The following CREB5 variants were observed in gnomAD, a reference collection of about 807,000 sequenced individuals.
CREB5 encodes the protein cyclic AMP-responsive element-binding protein 5.
In CREB5, 19 loss-of-function variants were observed where a neutral mutation model predicts 57.1. That is an observed-to-expected ratio of 0.33 (90% CI 0.23 to 0.49). The LOEUF is 0.49. CREB5 is among the 20% of genes least tolerant of loss of function. CREB5 has a pLI of 0.99. For synonymous variants in CREB5, 238 were observed against 238.3 expected (o/e 1.00, Z 0.01); for missense variants, 579 against 671.6 (o/e 0.86, Z 1.52).
At chr7:28,538,410 G>A (rs566856127) in intron 4 of CREB5, among the ~76,000 whole-genome samples, 111 of 124,074 alleles carry the variant, frequency 8.9e-4, no homozygotes, top group Non-Finnish European at 1.5e-3. Flanking sequence ...ACCTTTATTC[G>A]CTTAAAGTCT....
intron 2 of CREB5, among the ~76,000 whole-genome samples, chr7:28,492,236 G>A (rs996842452): frequency 1.3e-5 from 2 of 152,160 alleles, no homozygotes; most frequent in Admixed American, 1.3e-4. Context: ...CTGACCTCAG[G>A]TGATCCATCC....
chr7:28,580,429 C>CCACACACACACACACACACACACACA (rs70977058), intron 5 of CREB5, among the ~76,000 whole-genome samples: 25 of 130,966 alleles, frequency 1.9e-4, no homozygotes, highest in South Asian at 2.8e-4. Context: ...TCCCCCCCCA[C>CCACACACACACACACACACACACACA]CACACACACA....
chr7:28,534,648 C>T (rs1793881342), intron 4 of CREB5, among the ~76,000 whole-genome samples: 1 of 151,992 alleles, frequency 6.6e-6, no homozygotes, highest in Admixed American at 6.6e-5. Flanking sequence ...ATCTCGACTT[C>T]CTCTTTCATT....
upstream of CREB5, among the ~76,000 whole-genome samples, chr7:28,411,640 G>A (rs551154009): frequency 6.6e-6 from 1 of 152,262 alleles, no homozygotes; most frequent in Admixed American, 6.5e-5. Flanking sequence ...GATAGAGGGA[G>A]AGAGGGGATT....
intron 3 of CREB5, among the ~76,000 whole-genome samples, chr7:28,501,444 C>A (rs567140126): frequency 6.6e-6 from 1 of 152,196 alleles, no homozygotes; most frequent in Non-Finnish European, 1.5e-5. Flanking sequence ...GCTGGTCAAG[C>A]AAAATGGAAT....
chr7:28,686,259 C>G, intron 5 of CREB5: 1 of 1,344,290 alleles, frequency 7.4e-7, no homozygotes, highest in Non-Finnish European at 1.1e-6. Context: ...CCCCTACTGC[C>G]TTCTGTTTTT....
chr7:28,727,068 C>T (rs1342928642), intron 7 of CREB5, among the ~76,000 whole-genome samples: 2 of 151,406 alleles, frequency 1.3e-5, no homozygotes, highest in Non-Finnish European at 2.9e-5. Flanking sequence ...TCAAGTTCTC[C>T]AGCGCATTAA....
intron 4 of CREB5, among the ~76,000 whole-genome samples, chr7:28,544,902 G>C (rs1188017274): frequency 6.6e-6 from 1 of 152,154 alleles, no homozygotes; most frequent in Non-Finnish European, 1.5e-5. Flanking sequence ...TATAAATCTG[G>C]GAACAGCTCT....
rs78470838 is a variant in CREB5 at position 28,740,701 on chromosome 7, G to T, written c.702+16369G>T. Among the ~76,000 whole-genome samples, 7 of 152,234 alleles carry T rather than the reference G, an allele frequency of 4.6e-5. No homozygotes were observed. The East Asian group carries it at 1.2e-3, about 25-fold the overall frequency. Reference sequence around the variant, plus strand: ...CTCTTTAAAATCTCCTCTGAAATGGGGTAACCAAGGCTTGCGTCTTCGTTC... The same window carrying T: ...CTCTTTAAAATCTCCTCTGAAATGGTGTAACCAAGGCTTGCGTCTTCGTTC... On this transcript the variant is annotated intron_variant, in intron 7 of 10. Coordinates refer to ENST00000357727, the MANE Select transcript of CREB5 (RefSeq NM_182898.4).
Position 28,821,399 on chromosome 7 carries a change from T to C in CREB5, c.*2120T>C, listed in dbSNP as rs1206820302. The stretch of plus-strand genomic sequence containing the variant: ...CCTTGTATGCAGTGCTTTCAAAAGA[T>C]GGTTTTGAGTGTCCAGTGAAACTTA... On this transcript the variant is annotated 3_prime_UTR_variant, in exon 11 of 11. Transcript: ENST00000357727. The C allele has an allele frequency of 6.6e-6, 1 of 151,534 alleles. No homozygotes were observed. The highest frequency in any genetic ancestry group is 1.5e-5 in the Non-Finnish European group (1 of 67,922). 9.4% of individuals were successfully genotyped at this position (151,534 alleles called of 1,614,324 possible). A position where few individuals can be genotyped will look rare whatever the true frequency, so the allele number is the denominator to read the frequency against.
At chr7:28,625,746 G>A (rs1224067393) in intron 5 of CREB5, among the ~76,000 whole-genome samples, 1 of 152,150 alleles carries the variant, frequency 6.6e-6, no homozygotes, top group Non-Finnish European at 1.5e-5. Context: ...TTTATTCCAT[G>A]GCCTCCATCC....
chr7:28,631,395 C>T (rs965336942), intron 5 of CREB5, among the ~76,000 whole-genome samples: 2 of 152,160 alleles, frequency 1.3e-5, no homozygotes, highest in African/African-American at 4.8e-5. Flanking sequence ...GCACTCAATC[C>T]TTTGAGATTC....
At chr7:28,379,392 G>T (rs1399304393) in intron 1 of CREB5, among the ~76,000 whole-genome samples, 1 of 152,182 alleles carries the variant, frequency 6.6e-6, no homozygotes, top group Non-Finnish European at 1.5e-5. Flanking sequence ...GTGTTTTAAG[G>T]TTCTGAGAGC....
chr7:28,784,340 TC>T (rs977194028), intron 7 of CREB5, among the ~76,000 whole-genome samples: 2 of 98,146 alleles, frequency 2.0e-5, no homozygotes, highest in African/African-American at 5.0e-5. Flanking sequence ...AATAAACAAC[TC>T]TTTTTTTTTT....
chr7:28,571,072 A>G (rs1795682201), intron 5 of CREB5, among the ~76,000 whole-genome samples: 1 of 152,092 alleles, frequency 6.6e-6, no homozygotes, highest in Admixed American at 6.5e-5. Flanking sequence ...CCATCTGATA[A>G]CTGAGATAGC....
intron 7 of CREB5, among the ~76,000 whole-genome samples, chr7:28,787,379 G>A (rs1198490848): frequency 6.6e-6 from 1 of 152,340 alleles, no homozygotes; most frequent in East Asian, 1.9e-4. Flanking sequence ...AGCAGAGAAA[G>A]CCTGGACTGG....
chr7:28,603,397 A>G (rs1796996927), intron 5 of CREB5, among the ~76,000 whole-genome samples: 1 of 152,182 alleles, frequency 6.6e-6, no homozygotes, highest in Non-Finnish European at 1.5e-5. Flanking sequence ...ATCACGGCCT[A>G]TTTGTTGAGG....
chr7:28,811,817 A>G (rs936619932), intron 9 of CREB5, among the ~76,000 whole-genome samples: 7 of 152,248 alleles, frequency 4.6e-5, no homozygotes, highest in African/African-American at 1.4e-4. Context: ...TGTTAAGTAA[A>G]TAAAAGTTCT....
At position 28,802,078 on chromosome 7, in the gene CREB5, G is replaced by GAAAAAAAAAAAAAAAAA; in HGVS notation, c.703-2110_703-2094dup. On this transcript the variant is annotated intron_variant, in intron 7 of 10. Coordinates refer to ENST00000357727, the MANE Select transcript of CREB5 (RefSeq NM_182898.4). Reference sequence around the variant, plus strand: ...CTGGCGACACAGCGAGACTCCATCTGAAAAAAAAAAAAAAAAAAAAAAAAA... The same window carrying GAAAAAAAAAAAAAAAAA: ...CTGGCGACACAGCGAGACTCCATCTGAAAAAAAAAAAAAAAAAAAAAAAAAAAAAAAAAAAAAAAAAA... Among the ~76,000 whole-genome samples the GAAAAAAAAAAAAAAAAA allele has an allele frequency of 7.5e-5, 2 of 26,638 alleles. 1 individual carries two copies. Among genetic ancestry groups the GAAAAAAAAAAAAAAAAA allele is most frequent in the Non-Finnish European group, 1.3e-4 (2 of 15,324 alleles). 17.5% of individuals were successfully genotyped at this position (26,638 alleles called of 152,430 possible). A position where few individuals can be genotyped will look rare whatever the true frequency, so the allele number is the denominator to read the frequency against.
Sources: gnomAD v4.1 joint callset for allele counts (sites outside exome capture counted in the v4.1 genomes callset) on GRCh38, gnomAD v4.1.1 for gene constraint, MANE v1.5 for transcripts, NCBI Gene and HGNC (gene_info 2026-07-23, HGNC 2026-07-21) for gene names.